ABAT: variants seen among roughly 807,000 people sequenced by gnomAD.
The protein encoded by ABAT is 4-aminobutyrate aminotransferase, mitochondrial.
A neutral mutation model predicts 64.6 loss-of-function variants in ABAT; 45 were observed. The ratio of observed to expected loss-of-function variants is 0.70; its 90% CI spans 0.55 to 0.89. The LOEUF is 0.89. Ranked by LOEUF, ABAT falls within the 40% of genes least tolerant of loss-of-function variation. The pLI is 0.00. For missense variants in ABAT, 633 were observed against 658.4 expected (o/e 0.96, Z 0.42); for synonymous variants, 297 against 250.5 (o/e 1.19, Z -1.75).
At chr16:8,700,174 G>A (rs955378105) in intron 1 of ABAT, among the ~76,000 whole-genome samples, 1 of 152,134 alleles carries the variant, frequency 6.6e-6, no homozygotes, top group Non-Finnish European at 1.5e-5. Context: ...CTGGGTGTAG[G>A]ATACAGACAT....
intron 14 of ABAT, among the ~76,000 whole-genome samples, chr16:8,777,227 C>G (rs753340989): frequency 4.7e-4 from 72 of 152,090 alleles, no homozygotes; most frequent in Admixed American, 8.5e-4. Flanking sequence ...ACACCAATTT[C>G]AGACATCCCC....
chr16:8,740,071 T>C (rs1420084), intron 2 of ABAT, among the ~76,000 whole-genome samples: 80,498 of 151,276 alleles, frequency 0.53, 22,189 homozygotes, highest in Admixed American at 0.62. Flanking sequence ...TTTTAACCCA[T>C]TTAGCCCTCA....
intron 1 of ABAT, among the ~76,000 whole-genome samples, chr16:8,729,148 A>AAT (rs200054548): frequency 0.022 from 3,278 of 151,436 alleles, 76 homozygotes; most frequent in African/African-American, 0.057. Flanking sequence ...CTCTACTGAA[A>AAT]AAAAAAAAAA....
intron 11 of ABAT, 57 bp from the exon 12 acceptor site, chr16:8,772,723 A>G (rs1596470232): frequency 6.2e-7 from 1 of 1,612,382 alleles, no homozygotes; most frequent in East Asian, 2.2e-5. Flanking sequence ...ATTCCCACCC[A>G]CGGATACTGG....
chr16:8,774,233 A>T (rs1046479803), intron 12 of ABAT, among the ~76,000 whole-genome samples: 1 of 152,050 alleles, frequency 6.6e-6, no homozygotes, highest in Non-Finnish European at 1.5e-5. Context: ...CGCCTTGCCG[A>T]GTGTGTATAT....
intron 2 of ABAT, among the ~76,000 whole-genome samples, chr16:8,744,744 T>C (rs766538634): frequency 2.2e-4 from 33 of 151,702 alleles, no homozygotes; most frequent in Non-Finnish European, 4.0e-4. Flanking sequence ...GGTAGGCACC[T>C]GTAATCCCAG....
At chr16:8,686,648 C>T (rs1468759825) in intron 1 of ABAT, among the ~76,000 whole-genome samples, 2 of 152,196 alleles carry the variant, frequency 1.3e-5, no homozygotes, top group African/African-American at 2.4e-5. Flanking sequence ...GGGTCTCCTA[C>T]TGAAGGGAGC....
chr16:8,719,609 G>A (rs139891551), intron 1 of ABAT, among the ~76,000 whole-genome samples: 2 of 152,188 alleles, frequency 1.3e-5, no homozygotes, highest in African/African-American at 4.8e-5. Context: ...TCTGGATGTT[G>A]AGGCTGGTAG....
intron 1 of ABAT, among the ~76,000 whole-genome samples, chr16:8,733,704 G>A (rs900677310): frequency 1.5e-4 from 23 of 151,824 alleles, no homozygotes; most frequent in Non-Finnish European, 2.1e-4. Flanking sequence ...GGCTGCAATC[G>A]CAGGCACTCG....
chr16:8,773,105 T>TACACACACACACACAC (rs35248639), intron 12 of ABAT, among the ~76,000 whole-genome samples, 188 bp downstream of exon 12: 207 of 108,996 alleles, frequency 1.9e-3, no homozygotes, highest in East Asian at 4.9e-3. Flanking sequence ...CCTAAAACTA[T>TACACACACACACACAC]ACACACACAC....
At chr16:8,698,576 C>T (rs1262197793) in intron 1 of ABAT, among the ~76,000 whole-genome samples, 3 of 152,130 alleles carry the variant, frequency 2.0e-5, no homozygotes, top group Non-Finnish European at 4.4e-5. Context: ...TCAGGTGATC[C>T]ACCTGCCTCA....
chr16:8,749,813 C>T (rs772698881), intron 4 of ABAT, among the ~76,000 whole-genome samples: 31 of 151,816 alleles, frequency 2.0e-4, no homozygotes, highest in Non-Finnish European at 4.1e-4. Flanking sequence ...CTCCCGGGTG[C>T]AGTGATTCTC....
At chr16:8,735,505 A>G (rs1355222273) in intron 1 of ABAT, among the ~76,000 whole-genome samples, 194 bp from the exon 2 acceptor site, 1 of 152,198 alleles carries the variant, frequency 6.6e-6, no homozygotes, top group Admixed American at 6.5e-5. Flanking sequence ...TCGGTCTCCC[A>G]GTGTGGCTGA....
At chr16:8,683,779 C>G (rs1307981567) in intron 1 of ABAT, among the ~76,000 whole-genome samples, 1 of 152,156 alleles carries the variant, frequency 6.6e-6, no homozygotes, top group Non-Finnish European at 1.5e-5. Flanking sequence ...GCATGGTTGT[C>G]TGGTATCTAT....
intron 9 of ABAT, among the ~76,000 whole-genome samples, 167 bp downstream of exon 9, chr16:8,766,437 C>A (rs1455126359): frequency 6.6e-6 from 1 of 152,092 alleles, no homozygotes; most frequent in South Asian, 2.1e-4. Flanking sequence ...GGCGGATCAC[C>A]CAAGGTCAGG....
chr16:8,745,346 C>T (rs1438236797), intron 2 of ABAT, among the ~76,000 whole-genome samples: 2 of 152,054 alleles, frequency 1.3e-5, no homozygotes, highest in Non-Finnish European at 2.9e-5. Context: ...TGTACTGGTC[C>T]CATTATTTTC....
intron 2 of ABAT, among the ~76,000 whole-genome samples, chr16:8,743,704 T>A (rs1345257606): frequency 1.4e-5 from 2 of 145,658 alleles, no homozygotes; most frequent in South Asian, 2.1e-4. Context: ...ATATTTTAGT[T>A]ATATATGTAG....
chr16:8,727,779 G>T (rs1167362133), intron 1 of ABAT, among the ~76,000 whole-genome samples: 1 of 152,234 alleles, frequency 6.6e-6, no homozygotes, highest in African/African-American at 2.4e-5. Context: ...TAAGAGAAGT[G>T]ATGACTTGGC....
Position 8,684,313 on chromosome 16 carries a change from C to T in ABAT, c.-42+9602C>T, listed in dbSNP as rs529292166. Among the ~76,000 whole-genome samples the T allele has an allele frequency of 1.6e-4, 24 of 152,274 alleles. No individual in the cohort carries two copies. The South Asian group carries it at 3.3e-3, about 21-fold the overall frequency. ...ATAGACAGCGTATGGTGGCTCGCAC[C>T]TGCAATCCCAGCGCTTTGAGAGGCC... On this transcript the variant is annotated intron_variant, in intron 1 of 15. Transcript: ENST00000268251.
Sources: gnomAD v4.1 joint callset for allele counts (sites outside exome capture counted in the v4.1 genomes callset) on GRCh38, gnomAD v4.1.1 for gene constraint, MANE v1.5 for transcripts, NCBI Gene and HGNC (gene_info 2026-07-23, HGNC 2026-07-21) for gene names.